Variants in TYW1B observed in about 807,000 individuals in gnomAD.
The protein encoded by TYW1B is tRNA-yW synthesizing protein 1 homolog B, also known as S-adenosyl-L-methionine-dependent tRNA 4-demethylwyosine synthase TYW1B.
Under a neutral mutation model 86.9 loss-of-function variants are expected in TYW1B, and 73 were observed. The observed-to-expected ratio is 0.84, with a 90% CI of 0.70 to 1.02. The LOEUF is 1.02. Ranked by LOEUF, TYW1B falls within the 50% of genes least tolerant of loss-of-function variation. TYW1B has a pLI of 0.00. For synonymous variants in TYW1B, 248 were observed against 292.8 expected (o/e 0.85, Z 1.56); for missense variants, 637 against 827.4 (o/e 0.77, Z 2.82).
At chr7:72,735,883 T>A (rs1374604060) in intron 8 of TYW1B, among the ~76,000 whole-genome samples, 59 of 141,378 alleles carry the variant, frequency 4.2e-4, no homozygotes, top group African/African-American at 1.4e-3. Context: ...AAAAAAAAAA[T>A]TCACATACCG....
chr7:72,642,560 A>G (rs1812826510), intron 11 of TYW1B, among the ~76,000 whole-genome samples: 1 of 152,230 alleles, frequency 6.6e-6, no homozygotes, highest in African/African-American at 2.4e-5. Flanking sequence ...AGAACGGACA[A>G]AGAAAATATA....
rs113797270 is a variant in TYW1B, at chr7:72,651,598, G to C, written c.1507-22601C>G. Among the ~76,000 whole-genome samples the C allele has an allele frequency of 2.2e-3, 334 of 152,272 alleles. 2 individuals carry two copies. Among genetic ancestry groups the C allele is most frequent in the African/African-American group, 7.4e-3 (307 of 41,562 alleles). On this transcript the variant is annotated intron_variant, in intron 11 of 13. Transcript: ENST00000620995. ...TCACTGCACTCCAGCCTGGCCAACA[G>C]AGTGAGACTCCAACTCAAAAAAGTT...
intron 2 of TYW1B, among the ~76,000 whole-genome samples, chr7:72,816,573 T>C (rs182645336): frequency 6.6e-6 from 1 of 152,168 alleles, no homozygotes; most frequent in East Asian, 1.9e-4. Flanking sequence ...TGAGATGACT[T>C]ACTGGGGTGA....
In TYW1B at chr7:72,755,047, A is replaced by G. The variant is rs537855682; in HGVS notation, c.965-10446T>C. Among the ~76,000 whole-genome samples the G allele has an allele frequency of 5.3e-5, 8 of 152,284 alleles. No homozygotes were observed. In the South Asian group the frequency reaches 1.2e-3, roughly 24 times the overall value. The stretch of plus-strand genomic sequence containing the variant: ...CTATATTGGAAAGAAGAAACTTGGG[A>G]TATGCAAAGTATTAAAAATAAATAA... On this transcript the variant is annotated intron_variant, in intron 7 of 13. Transcript: ENST00000620995.
In TYW1B at chr7:72,663,762, A is replaced by AG. The variant is rs1352871753; in HGVS notation, c.1506+30924_1506+30925insC. Reference sequence around the variant, plus strand: ...CTGGGAGACAGCAAGACTCCATCTCAAAAAAAAAAAAAAAAAAAAAAAATC... The same window carrying AG: ...CTGGGAGACAGCAAGACTCCATCTCAGAAAAAAAAAAAAAAAAAAAAAAATC... On this transcript the variant is annotated intron_variant, in intron 11 of 13. Transcript: ENST00000620995. Among the ~76,000 whole-genome samples, 4 of 8,452 alleles carry AG rather than the reference A, an allele frequency of 4.7e-4. No homozygotes were observed. The Admixed American group carries it at 5.5e-3, about 12-fold the overall frequency. The allele number at this position is 8,452 out of a possible 152,430, so 5.5% of individuals were successfully genotyped here.
chr7:72,734,845 CAAAT>C (rs35921417), intron 8 of TYW1B, among the ~76,000 whole-genome samples: 105,353 of 151,720 alleles, frequency 0.69, 37,425 homozygotes, highest in Non-Finnish European at 0.77. Flanking sequence ...AAGTAGCAAA[CAAAT>C]ACATTTTTAA....
intron 3 of TYW1B, among the ~76,000 whole-genome samples, chr7:72,813,382 G>T (rs1286668504): frequency 6.6e-6 from 1 of 152,058 alleles, no homozygotes; most frequent in Non-Finnish European, 1.5e-5. Context: ...CACCATGTTG[G>T]CCAGGCTGGT....
chr7:72,672,969 G>T (rs1813647024), intron 11 of TYW1B, among the ~76,000 whole-genome samples: 1 of 152,296 alleles, frequency 6.6e-6, no homozygotes, highest in African/African-American at 2.4e-5. Context: ...AGGAGTTGGA[G>T]ACCAGCCTGG....
intron 8 of TYW1B, among the ~76,000 whole-genome samples, chr7:72,735,592 G>A (rs541082720): frequency 5.0e-5 from 7 of 141,304 alleles, no homozygotes; most frequent in South Asian, 4.5e-4. Flanking sequence ...AAAAAAGGCC[G>A]AGTGCAGTGG....
Position 72,694,683 on chromosome 7 carries a change from T to C in TYW1B, c.1506+4A>G. On this transcript the variant is annotated splice_donor_region_variant and intron_variant, in intron 11 of 13. Coordinates refer to ENST00000620995, the MANE Select transcript of TYW1B (RefSeq NM_001145440.3). ...ATTTATTTTTAAGATGTCATAATTC[T>C]TACCTTGACTGCCAAGGCTTTTAAA... The C allele has an allele frequency of 6.2e-7, 1 of 1,602,694 alleles. No individual in the cohort carries two copies. Among genetic ancestry groups the C allele is most frequent in the South Asian group, 1.1e-5 (1 of 87,944 alleles).
intron 2 of TYW1B, among the ~76,000 whole-genome samples, chr7:72,818,019 G>A (rs1554479756): frequency 6.6e-6 from 1 of 150,730 alleles, no homozygotes; most frequent in East Asian, 2.0e-4. Context: ...TCCTACCTCA[G>A]CTTGCCGCCC....
intron 7 of TYW1B, among the ~76,000 whole-genome samples, chr7:72,757,080 A>C (rs782482374): frequency 2.0e-5 from 3 of 152,012 alleles, no homozygotes; most frequent in Admixed American, 1.3e-4. Flanking sequence ...TACATATAAC[A>C]ATGTCGGCCA....
chr7:72,821,657 G>A (rs1470234334), intron 2 of TYW1B, among the ~76,000 whole-genome samples: 2 of 152,168 alleles, frequency 1.3e-5, no homozygotes, highest in Admixed American at 6.6e-5. Context: ...AAGGTGGTAA[G>A]AAGTGATTGG....
At chr7:72,600,110 C>A (rs1256911574) in intron 13 of TYW1B, among the ~76,000 whole-genome samples, 1 of 152,078 alleles carries the variant, frequency 6.6e-6, no homozygotes. Flanking sequence ...CACTACTCAG[C>A]TTCAAAACTT....
intron 9 of TYW1B, among the ~76,000 whole-genome samples, chr7:72,718,884 C>T (rs1324945119): frequency 1.3e-5 from 2 of 152,158 alleles, no homozygotes; most frequent in African/African-American, 4.8e-5. Context: ...GCCCTGGCCT[C>T]TGGGATTCAG....
At chr7:72,677,167 G>C (rs1163599013) in intron 11 of TYW1B, among the ~76,000 whole-genome samples, 1 of 151,920 alleles carries the variant, frequency 6.6e-6, no homozygotes, top group African/African-American at 2.4e-5. Context: ...TCATTCATTC[G>C]AGACAGGGTG....
chr7:72,589,800 C>T (rs1402121811), intron 13 of TYW1B, among the ~76,000 whole-genome samples: 37 of 152,120 alleles, frequency 2.4e-4, no homozygotes, highest in African/African-American at 8.7e-4. Flanking sequence ...CACTTGAACC[C>T]GGGAGGCGGA....
chr7:72,601,668 A>C (rs1554433748), intron 13 of TYW1B, among the ~76,000 whole-genome samples: 2 of 149,948 alleles, frequency 1.3e-5, no homozygotes. Context: ...ACACAATGGG[A>C]GTTTTATTTG....
intron 11 of TYW1B, among the ~76,000 whole-genome samples, chr7:72,641,877 A>C (rs1236914954): frequency 5.9e-5 from 9 of 152,222 alleles, no homozygotes; most frequent in Non-Finnish European, 1.2e-4. Context: ...AGGCTTTAAA[A>C]GCTGATCCCA....
Sources: gnomAD v4.1 joint callset for allele counts (sites outside exome capture counted in the v4.1 genomes callset) on GRCh38, gnomAD v4.1.1 for gene constraint, MANE v1.5 for transcripts, NCBI Gene and HGNC (gene_info 2026-07-23, HGNC 2026-07-21) for gene names.